Variants in PMFBP1 observed in about 807,000 individuals in gnomAD.
The protein encoded by PMFBP1 is polyamine-modulated factor 1-binding protein 1.
In PMFBP1, 131 loss-of-function variants were observed where a neutral mutation model predicts 137.8. The ratio of observed to expected loss-of-function variants is 0.95; its 90% confidence interval spans 0.82 to 1.10. PMFBP1 has a LOEUF of 1.10. Ranked by LOEUF, PMFBP1 falls within the 50% of genes least tolerant of loss-of-function variation. PMFBP1 has a pLI of 0.00. For synonymous variants in PMFBP1, 490 were observed against 450.4 expected (o/e 1.09, Z -1.11); for missense variants, 1,199 against 1,175.4 (o/e 1.02, Z -0.29).
chr16:72,125,438 T>C, intron 15 of PMFBP1, 33 bp from the exon 16 acceptor site: 1 of 1,600,304 alleles, frequency 6.2e-7, no homozygotes, highest in Non-Finnish European at 8.5e-7. Flanking sequence ...CGAATGGCTG[T>C]CAGAGACTTT....
chr16:72,228,618 G>A, the PMFBP1 span, among the ~76,000 whole-genome samples: 18 of 152,122 alleles, frequency 1.2e-4, no homozygotes, highest in Admixed American at 3.3e-4. Flanking sequence ...CCAGCATAAC[G>A]TCTGGTACTG....
the PMFBP1 span, among the ~76,000 whole-genome samples, chr16:72,204,594 C>A: frequency 5.9e-5 from 9 of 152,288 alleles, no homozygotes; most frequent in East Asian, 1.7e-3. Context: ...AGTATGTCAA[C>A]CCTGGTGTGC....
intron 20 of PMFBP1, 150 bp from the exon 21 acceptor site, chr16:72,119,504 C>A: frequency 6.6e-7 from 1 of 1,523,428 alleles, no homozygotes; most frequent in South Asian, 1.3e-5. Flanking sequence ...GCAGGAAAGG[C>A]GGCTGTGGAC....
chr16:72,135,733 T>G (rs1333429290), intron 9 of PMFBP1, among the ~76,000 whole-genome samples: 1 of 141,388 alleles, frequency 7.1e-6, no homozygotes, highest in Non-Finnish European at 1.5e-5. Flanking sequence ...ATATTTTTAA[T>G]TTTTCTGTTT....
chr16:72,217,498 T>G, the PMFBP1 span, among the ~76,000 whole-genome samples: 55 of 152,224 alleles, frequency 3.6e-4, no homozygotes, highest in Non-Finnish European at 5.9e-4. Flanking sequence ...ATTCAGAATG[T>G]AATGGCTACA....
the PMFBP1 span, among the ~76,000 whole-genome samples, chr16:72,190,366 AG>A: frequency 6.6e-6 from 1 of 152,210 alleles, no homozygotes; most frequent in Admixed American, 6.5e-5. Context: ...GCTAGAGGCA[AG>A]ATGGATTCAG....
At chr16:72,214,706 C>G in the PMFBP1 span, among the ~76,000 whole-genome samples, 1 of 152,130 alleles carries the variant, frequency 6.6e-6, no homozygotes, top group Non-Finnish European at 1.5e-5. Context: ...AAGATAACTT[C>G]TAGCAAAATA....
intron 15 of PMFBP1, 49 bp from the exon 16 acceptor site, chr16:72,125,454 T>A: frequency 6.3e-7 from 1 of 1,584,518 alleles, no homozygotes; most frequent in Non-Finnish European, 8.6e-7. Context: ...ACTTTGACCC[T>A]CTCTGCTGAG....
chr16:72,244,367 T>G, the PMFBP1 span, among the ~76,000 whole-genome samples: 1 of 152,088 alleles, frequency 6.6e-6, no homozygotes, highest in East Asian at 1.9e-4. Flanking sequence ...CCCTGTTATG[T>G]GTAAGTGGGT....
chr16:72,202,099 C>G, the PMFBP1 span, among the ~76,000 whole-genome samples: 5 of 152,184 alleles, frequency 3.3e-5, no homozygotes, highest in East Asian at 1.9e-4. Context: ...ATATCTTGTA[C>G]ACAAAAGGTG....
At chr16:72,234,398 T>C in the PMFBP1 span, among the ~76,000 whole-genome samples, 1 of 152,152 alleles carries the variant, frequency 6.6e-6, no homozygotes, top group African/African-American at 2.4e-5. Flanking sequence ...AAACTCAGGA[T>C]TAGTGTCCCC....
At chr16:72,204,084 C>T in the PMFBP1 span, among the ~76,000 whole-genome samples, 5 of 152,186 alleles carry the variant, frequency 3.3e-5, no homozygotes, top group African/African-American at 9.7e-5. Context: ...TACTCCTTTT[C>T]CCAAGCTGGA....
At chr16:72,120,194 G>C in intron 19 of PMFBP1, 105 bp from the exon 20 acceptor site, 3 of 1,558,700 alleles carry the variant, frequency 1.9e-6, no homozygotes, top group Middle Eastern at 2.2e-4. Context: ...CAGCACAGAT[G>C]CCCAGGTCTG....
At chr16:72,185,046 C>T in the PMFBP1 span, among the ~76,000 whole-genome samples, 7 of 148,208 alleles carry the variant, frequency 4.7e-5, no homozygotes, top group African/African-American at 9.9e-5. Flanking sequence ...TTTTTTGAGA[C>T]GGAGTCTCGC....
intron 1 of PMFBP1, 187 bp downstream of exon 1, chr16:72,171,867 A>C (rs2043225020): frequency 6.6e-6 from 1 of 152,276 alleles, no homozygotes; most frequent in Non-Finnish European, 1.5e-5. Context: ...TAAAGTTAGG[A>C]AACATGTGAA....
chr16:72,160,536 G>A (rs1043930241), intron 3 of PMFBP1, among the ~76,000 whole-genome samples: 7 of 151,810 alleles, frequency 4.6e-5, no homozygotes, highest in South Asian at 2.1e-4. Context: ...TCTAGTTTGC[G>A]CTGACTAGGT....
chr16:72,161,979 C>T (rs2043069268), intron 3 of PMFBP1, among the ~76,000 whole-genome samples: 1 of 152,190 alleles, frequency 6.6e-6, no homozygotes. Context: ...CTGTACACTT[C>T]AAAGATGAGT....
At chr16:72,132,139 C>T (rs1455196035) in intron 10 of PMFBP1, among the ~76,000 whole-genome samples, 1 of 152,194 alleles carries the variant, frequency 6.6e-6, no homozygotes, top group African/African-American at 2.4e-5. Context: ...GCCACCGTGC[C>T]TGGGAAATTC....
intron 3 of PMFBP1, among the ~76,000 whole-genome samples, chr16:72,155,623 T>C (rs1482843213): frequency 6.6e-6 from 1 of 152,244 alleles, no homozygotes; most frequent in African/African-American, 2.4e-5. Context: ...GTTGAGCTTG[T>C]GGCCTTGGCC....
Sources: gnomAD v4.1 joint callset for allele counts (sites outside exome capture counted in the v4.1 genomes callset) on GRCh38, gnomAD v4.1.1 for gene constraint, MANE v1.5 for transcripts, NCBI Gene and HGNC (gene_info 2026-07-23, HGNC 2026-07-21) for gene names.